Variants in AGXT observed in about 807,000 individuals in gnomAD.
The protein encoded by AGXT is alanine--glyoxylate aminotransferase, also known as L-alanine: glyoxylate aminotransferase 1.
A neutral mutation model predicts 46.9 loss-of-function variants in AGXT; 41 were observed. That is an observed-to-expected ratio of 0.88 (90% CI 0.68 to 1.14). The LOEUF (loss-of-function observed/expected upper bound fraction) is 1.14, where lower values mean the gene tolerates loss of function less well. Ranked by LOEUF, AGXT falls within the 50% of genes most tolerant of loss-of-function variation. The pLI, the probability that AGXT is intolerant of heterozygous loss-of-function variation, is 0.00. For synonymous variants in AGXT, 244 were observed against 227.9 expected (o/e 1.07, Z -0.64); for missense variants, 525 against 522.7 (o/e 1.00, Z -0.04).
chr2:240,877,566 C>T lies in AGXT; in HGVS notation c.876C>T (p.Arg292=), dbSNP rs763852365. The T allele has an allele frequency of 1.7e-5, 26 of 1,550,450 alleles. 1 individual carries two copies. The highest frequency in any genetic ancestry group is 2.0e-5 in the Admixed American group (1 of 50,954). ...QGLENSWRQH[R]EAAAYLHGRL... is the part of the protein sequence containing the mutation. ...TGGAGAACAGCTGGCGCCAGCACCG[C>T]GAGGCCGCGGCGTATCTGCATGGGC... Residue 292 remains arginine (R), a synonymous_variant, in exon 9 of 11, where the codon CGC becomes CGT. Transcript: ENST00000307503.
At chr2:240,875,267 G>A in intron 7 of AGXT, 63 bp downstream of exon 7, 1 of 1,338,936 alleles carries the variant, frequency 7.5e-7, no homozygotes, top group Non-Finnish European at 1.1e-6. Flanking sequence ...TGGGGCGCTG[G>A]CCTCTCACTG....
intron 6 of AGXT, 84 bp from the exon 7 acceptor site, chr2:240,875,025 C>G: frequency 7.0e-6 from 9 of 1,281,000 alleles, no homozygotes; most frequent in Non-Finnish European, 9.1e-6. Flanking sequence ...GTCTCACTCC[C>G]GTGAAACAGG....
At position 240,872,849 on chromosome 2, in the gene AGXT, G is replaced by C. The variant is rs962870551; in HGVS notation, c.525-130G>C. ...GAGAAGGCAACTGGCCAACTCCTGGGGTGGAGGTGGGAGGTGCCCTGCCTT... is the reference window on the plus strand; with the variant it reads ...GAGAAGGCAACTGGCCAACTCCTGGCGTGGAGGTGGGAGGTGCCCTGCCTT... On this transcript the variant is annotated intron_variant, in intron 4 of 10. Coordinates refer to ENST00000307503, the MANE Select transcript of AGXT (RefSeq NM_000030.3). 1.8e-5 allele frequency: 14 copies of C among 783,654 alleles called. No individual in the cohort carries two copies. In the African/African-American group the frequency reaches 2.2e-4, roughly 12 times the overall value. 48.5% of individuals were successfully genotyped at this position (783,654 alleles called of 1,614,324 possible).
At chr2:240,876,876 G>A in intron 8 of AGXT, 1 of 186,238 alleles carries the variant, frequency 5.4e-6, no homozygotes, top group South Asian at 1.2e-4. Context: ...AACAGGACCA[G>A]ACAGCAGGGC....
At chr2:240,874,106 G>T (rs1402801889) in intron 6 of AGXT, 44 bp downstream of exon 6, 2 of 1,597,254 alleles carry the variant, frequency 1.3e-6, no homozygotes, top group Non-Finnish European at 1.7e-6. Context: ...GGCTGGGCTT[G>T]CAGGGAGCTC....
Position 240,875,130 on chromosome 2 carries a change from G to T in AGXT, c.702G>T (p.Lys234Asn), listed in dbSNP as rs1355737474. Reference sequence around the variant, plus strand: ...CCAGAAAGAAGATGTACTCCCGCAAGACGAAGCCCTTCTCCTTCTACCTGG... The same window carrying T: ...CCAGAAAGAAGATGTACTCCCGCAATACGAAGCCCTTCTCCTTCTACCTGG... The part of the protein sequence containing the change: ...DKAKKKMYSR[K>N]TKPFSFYLDI... Residue 234 changes from lysine (K) to asparagine (N), a missense_variant, in exon 7 of 11, where the codon AAG becomes AAT. Transcript: ENST00000307503. 2 of 1,613,542 alleles carry T rather than the reference G, an allele frequency of 1.2e-6. No individual in the cohort carries two copies. The highest frequency in any genetic ancestry group is 2.7e-5 in the African/African-American group (2 of 74,922).
intron 8 of AGXT, chr2:240,877,316 T>C (rs1242332449): frequency 1.4e-6 from 1 of 690,018 alleles, no homozygotes; most frequent in Admixed American, 2.0e-5. Flanking sequence ...AGACCTCCCC[T>C]CTGTCTCTCT....
At chr2:240,877,709 G>A (rs1339004532) in intron 9 of AGXT, 77 bp downstream of exon 9, 1 of 1,453,672 alleles carries the variant, frequency 6.9e-7, no homozygotes, top group African/African-American at 1.4e-5. Flanking sequence ...CCCCTCAAGA[G>A]GGACACTGGC....
Position 240,876,174 on chromosome 2 carries a change from C to T in AGXT, c.846+170C>T, listed in dbSNP as rs4675793. Among the ~76,000 whole-genome samples, 150,510 of 152,322 alleles carry T rather than the reference C, an allele frequency of 0.99. 74,375 individuals are homozygous for T. Among genetic ancestry groups the T allele is most frequent in the East Asian group, 1 (5,173 of 5,174 alleles). ...GACAGGGCCCCGGGTACACTGGCTG[C>T]GGGCAGGGCCAGGGGGATACAGCCC... On this transcript the variant is annotated intron_variant, in intron 8 of 10. Coordinates refer to ENST00000307503, the MANE Select transcript of AGXT (RefSeq NM_000030.3).
chr2:240,869,043 G>T lies in AGXT; in HGVS notation c.165+13G>T. 8.0e-7 allele frequency: 1 copy of T among 1,243,840 alleles called. No homozygotes were observed. The highest frequency in any genetic ancestry group is 1.1e-6 in the Non-Finnish European group (1 of 895,678). The allele number at this position is 1,243,840 out of a possible 1,614,324, so 77.1% of individuals were successfully genotyped here. On this transcript the variant is annotated intron_variant, in intron 1 of 10. Transcript: ENST00000307503. Reference sequence around the variant, plus strand: ...GGATATGTACCAGGTAGGAGTGGGGGTCACTCGGGGGGCCTGGGTCTCACC... The same window carrying T: ...GGATATGTACCAGGTAGGAGTGGGGTTCACTCGGGGGGCCTGGGTCTCACC...
At chr2:240,877,290 C>T in intron 8 of AGXT, 1 of 673,238 alleles carries the variant, frequency 1.5e-6, no homozygotes, top group Non-Finnish European at 2.7e-6. Context: ...ACTCTTCTCC[C>T]CCAGGGGCCA....
At chr2:240,870,296 C>T (rs944593686) in intron 2 of AGXT, among the ~76,000 whole-genome samples, 8 of 152,260 alleles carry the variant, frequency 5.3e-5, no homozygotes, top group Non-Finnish European at 1.0e-4. Flanking sequence ...CAGGTACACT[C>T]TTTGTGCCAG....
rs768181954 is a variant in AGXT at position 240,868,993 on chromosome 2, T to G, written c.128T>G (p.Leu43Arg). 6.7e-7 allele frequency: 1 copy of G among 1,497,808 alleles called. No homozygotes were observed. The highest frequency in any genetic ancestry group is 1.5e-5 in the African/African-American group (1 of 65,470). 92.8% of individuals were successfully genotyped at this position (1,497,808 alleles called of 1,614,324 possible). Residue 43 changes from leucine to arginine, a missense_variant, in exon 1 of 11, where the codon CTG (leucine) becomes CGG (arginine). Coordinates refer to ENST00000307503, the MANE Select transcript of AGXT (RefSeq NM_000030.3). ...LPPRIMAAGG[L>R]QMIGSMSKDM... ...CCTCGCATCATGGCAGCCGGGGGGC[T>G]GCAGATGATCGGGTCCATGAGCAAG...
In AGXT at chr2:240,879,303, A is replaced by C; in HGVS notation, c.*482A>C. 9.5e-6 allele frequency: 2 copies of C among 211,258 alleles called. No individual in the cohort carries two copies. The highest frequency in any genetic ancestry group is 2.3e-5 in the African/African-American group (1 of 43,164). 13.1% of individuals were successfully genotyped at this position (211,258 alleles called of 1,614,324 possible). Reference sequence around the variant, plus strand: ...ACCCCCAAACGTCCTCACGCACCACATCCAGGTGAACCCACACGGCGCACA... The same window carrying C: ...ACCCCCAAACGTCCTCACGCACCACCTCCAGGTGAACCCACACGGCGCACA... On this transcript the variant is annotated 3_prime_UTR_variant, in exon 11 of 11. Coordinates refer to ENST00000307503, the MANE Select transcript of AGXT (RefSeq NM_000030.3).
chr2:240,876,636 C>T (rs571558580), intron 8 of AGXT, among the ~76,000 whole-genome samples: 29 of 152,354 alleles, frequency 1.9e-4, no homozygotes, highest in Middle Eastern at 6.8e-3. Flanking sequence ...GAAGGATCCC[C>T]GGGCTGCAGC....
intron 8 of AGXT, among the ~76,000 whole-genome samples, chr2:240,876,645 G>A (rs2059026136): frequency 6.6e-6 from 1 of 152,240 alleles, no homozygotes; most frequent in African/African-American, 2.4e-5. Flanking sequence ...CCGGGCTGCA[G>A]CCAGCTTCCC....
intron 8 of AGXT, 118 bp from the exon 9 acceptor site, chr2:240,877,419 C>T (rs2059031503): frequency 9.8e-7 from 1 of 1,017,860 alleles, no homozygotes. Context: ...CTGGGGGCTC[C>T]AGGGGCTCCC....
chr2:240,875,503 A>G lies in AGXT; in HGVS notation c.776+299A>G, dbSNP rs113872942. On this transcript the variant is annotated intron_variant, in intron 7 of 10. Coordinates refer to ENST00000307503, the MANE Select transcript of AGXT (RefSeq NM_000030.3). ...GGCACTTTGGACCTGGCCCTGCCAC[A>G]TCTCCCCACTCCTGGGCCTCAGCTT... 2.7e-3 allele frequency among the ~76,000 whole-genome samples: 409 copies of G among 152,226 alleles called. 2 individuals carry two copies. The highest frequency in any genetic ancestry group is 9.5e-3 in the African/African-American group (395 of 41,548).
chr2:240,870,780 G>A (rs1197715023), intron 3 of AGXT, 72 bp downstream of exon 3: 4 of 1,437,834 alleles, frequency 2.8e-6, no homozygotes, highest in Non-Finnish European at 3.8e-6. Flanking sequence ...GGGCTGCCTG[G>A]AATTGGCCAG....
Sources: gnomAD v4.1 joint callset for allele counts (sites outside exome capture counted in the v4.1 genomes callset) on GRCh38, gnomAD v4.1.1 for gene constraint, MANE v1.5 for transcripts, NCBI Gene and HGNC (gene_info 2026-07-23, HGNC 2026-07-21) for gene names.